Variants in CFAP61 observed in about 807,000 individuals in gnomAD.
CFAP61 encodes the protein cilia and flagella associated protein 61, also known as cilia- and flagella-associated protein 61.
A neutral mutation model predicts 135.6 loss-of-function variants in CFAP61; 107 were observed. That is an observed-to-expected ratio of 0.79 (90% CI 0.67 to 0.93). The LOEUF (loss-of-function observed/expected upper bound fraction) is 0.93, where lower values mean the gene tolerates loss of function less well. Ranked by LOEUF, CFAP61 falls within the 40% of genes least tolerant of loss-of-function variation. CFAP61 has a pLI of 0.00. For missense variants in CFAP61, 1,507 were observed against 1,556.2 expected (o/e 0.97, Z 0.53); for synonymous variants, 575 against 578.5 (o/e 0.99, Z 0.09).
At chr20:20,261,938 A>G (rs2052265905) in intron 20 of CFAP61, among the ~76,000 whole-genome samples, 1 of 152,222 alleles carries the variant, frequency 6.6e-6, no homozygotes, top group Non-Finnish European at 1.5e-5. Context: ...ATCTGCATCA[A>G]AAATGAGAGA....
intron 2 of CFAP61, among the ~76,000 whole-genome samples, chr20:20,065,177 A>G (rs1451577791): frequency 6.6e-6 from 1 of 152,324 alleles, no homozygotes; most frequent in African/African-American, 2.4e-5. Flanking sequence ...GGGTGAATTT[A>G]TGGTATAAAT....
intron 18 of CFAP61, among the ~76,000 whole-genome samples, chr20:20,230,921 A>G (rs1218731747): frequency 3.3e-5 from 5 of 152,110 alleles, no homozygotes; most frequent in Non-Finnish European, 7.4e-5. Context: ...TGGAAAATCC[A>G]CTCGAGGCTC....
chr20:20,097,528 TGATAGAATTAAA>T (rs1252497778), intron 7 of CFAP61, among the ~76,000 whole-genome samples: 3 of 152,216 alleles, frequency 2.0e-5, no homozygotes, highest in Non-Finnish European at 4.4e-5. Context: ...ATGTGGAATA[TGATAGAATTAAA>T]GTCTGTTGTT....
chr20:20,320,198 T>C (rs1013338583), intron 25 of CFAP61, among the ~76,000 whole-genome samples: 6 of 149,460 alleles, frequency 4.0e-5, no homozygotes, highest in African/African-American at 1.5e-4. Context: ...CTGATTCAGA[T>C]AAACTGTTAA....
At chr20:20,058,865 A>G (rs2044571419) in intron 2 of CFAP61, among the ~76,000 whole-genome samples, 1 of 152,228 alleles carries the variant, frequency 6.6e-6, no homozygotes, top group Admixed American at 6.5e-5. Flanking sequence ...TGCAAGGTAT[A>G]TGAGCTCACA....
intron 8 of CFAP61, among the ~76,000 whole-genome samples, chr20:20,120,554 A>G (rs1461860444): frequency 1.3e-5 from 2 of 152,104 alleles, no homozygotes; most frequent in Non-Finnish European, 2.9e-5. Flanking sequence ...GATTCTGGAG[A>G]ATCTATTCTG....
At chr20:20,150,163 A>G (rs1486459076) in intron 9 of CFAP61, among the ~76,000 whole-genome samples, 3 of 151,180 alleles carry the variant, frequency 2.0e-5, no homozygotes, top group South Asian at 4.2e-4. Flanking sequence ...ACATAACCCC[A>G]TGCGCCCACC....
At chr20:20,301,719 T>A (rs114413415) in intron 25 of CFAP61, among the ~76,000 whole-genome samples, 1,601 of 152,348 alleles carry the variant, frequency 0.011, 45 homozygotes, top group African/African-American at 0.036. Context: ...TTCTCATTAC[T>A]AATTCACAGA....
chr20:20,335,588 A>G (rs1236630873), intron 25 of CFAP61, among the ~76,000 whole-genome samples: 1 of 152,162 alleles, frequency 6.6e-6, no homozygotes, highest in Admixed American at 6.5e-5. Flanking sequence ...CATATATGTG[A>G]TGGCTGGAGC....
intron 21 of CFAP61, among the ~76,000 whole-genome samples, chr20:20,269,636 T>C (rs1304065888): frequency 6.6e-6 from 1 of 152,184 alleles, no homozygotes; most frequent in Non-Finnish European, 1.5e-5. Context: ...CCTCCCGAAG[T>C]GCTGGGATTA....
chr20:20,259,378 C>T (rs1353946759), intron 20 of CFAP61, among the ~76,000 whole-genome samples: 2 of 150,642 alleles, frequency 1.3e-5, no homozygotes, highest in Admixed American at 6.6e-5. Context: ...TTCAGCCTCC[C>T]GAGTAGCTGG....
intron 8 of CFAP61, among the ~76,000 whole-genome samples, chr20:20,100,333 C>T (rs1416819189): frequency 6.6e-6 from 1 of 151,950 alleles, no homozygotes; most frequent in Non-Finnish European, 1.5e-5. Flanking sequence ...CCACCACGCC[C>T]AGCTAATTTT....
At chr20:20,282,138 A>C (rs963455626) in intron 22 of CFAP61, among the ~76,000 whole-genome samples, 1 of 152,098 alleles carries the variant, frequency 6.6e-6, no homozygotes, top group Non-Finnish European at 1.5e-5. Context: ...AATTGTGTTC[A>C]GTCTCTCTGA....
intron 25 of CFAP61, among the ~76,000 whole-genome samples, chr20:20,334,035 G>A (rs1350965631): frequency 6.6e-6 from 1 of 152,224 alleles, no homozygotes; most frequent in Non-Finnish European, 1.5e-5. Flanking sequence ...ACTTGGAGCA[G>A]AGAAAGCCTT....
Position 20,142,959 on chromosome 20 carries a change from C to T in CFAP61, c.951+11C>T. On this transcript the variant is annotated intron_variant, in intron 9 of 26. Transcript: ENST00000245957. The stretch of plus-strand genomic sequence containing the variant: ...ATGGAAAACATCCAGGTGAGAGAGA[C>T]TATCCCTCCATGCCTAGGGTGGGGG... 1.3e-6 allele frequency: 2 copies of T among 1,534,082 alleles called. No homozygotes were observed. Among genetic ancestry groups the T allele is most frequent in the Non-Finnish European group, 8.9e-7 (1 of 1,120,850 alleles).
intron 15 of CFAP61, 63 bp downstream of exon 15, chr20:20,191,482 C>A: frequency 1.7e-6 from 2 of 1,209,266 alleles, no homozygotes; most frequent in Non-Finnish European, 2.4e-6. Context: ...AATTAGCCCA[C>A]AGTGCCCCTT....
At chr20:20,090,804 G>A in intron 6 of CFAP61, 40 bp from the exon 7 acceptor site, 2 of 1,602,130 alleles carry the variant, frequency 1.2e-6, no homozygotes, top group Admixed American at 1.7e-5. Flanking sequence ...GGAAAAAAAT[G>A]AGTGAACGAA....
chr20:20,244,691 C>T (rs6112831), intron 18 of CFAP61, among the ~76,000 whole-genome samples: 1 of 152,174 alleles, frequency 6.6e-6, no homozygotes, highest in Non-Finnish European at 1.5e-5. Flanking sequence ...ACATTCGGCT[C>T]CTTGTTACTT....
intron 7 of CFAP61, among the ~76,000 whole-genome samples, chr20:20,092,796 T>A (rs1470539111): frequency 6.6e-6 from 1 of 152,222 alleles, no homozygotes; most frequent in East Asian, 1.9e-4. Context: ...AGATACCACT[T>A]TACCTCTGCT....
Sources: gnomAD v4.1 joint callset for allele counts (sites outside exome capture counted in the v4.1 genomes callset) on GRCh38, gnomAD v4.1.1 for gene constraint, MANE v1.5 for transcripts, NCBI Gene and HGNC (gene_info 2026-07-23, HGNC 2026-07-21) for gene names.